The following SYCP1 variants were observed in gnomAD, a reference collection of about 807,000 sequenced individuals.
SYCP1 encodes synaptonemal complex protein 1, also known as cancer/testis antigen 8.
Under a neutral mutation model 153.1 loss-of-function variants are expected in SYCP1, and 64 were observed. The observed-to-expected ratio is 0.42, with a 90% CI of 0.34 to 0.51. The LOEUF is 0.51. Ranked by LOEUF, SYCP1 falls within the 20% of genes least tolerant of loss-of-function variation. The pLI is 0.06. For synonymous variants in SYCP1, 384 were observed against 341.8 expected (o/e 1.12, Z -1.36); for missense variants, 997 against 1,049.0 (o/e 0.95, Z 0.68).
chr1:114,892,933 G>T (rs1407951231), intron 15 of SYCP1, among the ~76,000 whole-genome samples: 1 of 152,082 alleles, frequency 6.6e-6, no homozygotes, highest in African/African-American at 2.4e-5. Flanking sequence ...AACTCAGAGG[G>T]TGGGTGGGAC....
chr1:114,863,635 G>C (rs1016997299), intron 8 of SYCP1, among the ~76,000 whole-genome samples: 2 of 152,112 alleles, frequency 1.3e-5, no homozygotes, highest in African/African-American at 4.8e-5. Flanking sequence ...TCTAACTGGC[G>C]TGAGATGGTA....
At chr1:114,896,506 G>T (rs556718726) in intron 16 of SYCP1, among the ~76,000 whole-genome samples, 1 of 152,212 alleles carries the variant, frequency 6.6e-6, no homozygotes, top group Non-Finnish European at 1.5e-5. Context: ...TATCACAAAT[G>T]AAATTCATTT....
intron 15 of SYCP1, among the ~76,000 whole-genome samples, chr1:114,893,089 A>T (rs1666832578): frequency 6.6e-6 from 1 of 151,986 alleles, no homozygotes; most frequent in African/African-American, 2.4e-5. Flanking sequence ...TTCTTAGAGG[A>T]TCTATTTGAA....
chr1:114,965,820 G>T (rs1441523227), intron 27 of SYCP1, among the ~76,000 whole-genome samples: 1 of 152,058 alleles, frequency 6.6e-6, no homozygotes, highest in Admixed American at 6.6e-5. Flanking sequence ...TTTTTGTTGT[G>T]TCTCTGCCAG....
chr1:114,902,119 C>G (rs1248945668), intron 16 of SYCP1, among the ~76,000 whole-genome samples: 1 of 151,984 alleles, frequency 6.6e-6, no homozygotes, highest in East Asian at 1.9e-4. Context: ...CGGCGGGGAA[C>G]TGCTGCTCGC....
chr1:114,911,249 T>C (rs1668156595), intron 17 of SYCP1, among the ~76,000 whole-genome samples: 1 of 152,072 alleles, frequency 6.6e-6, no homozygotes. Context: ...TATAAATGTT[T>C]TTCTGGTTGA....
intron 27 of SYCP1, among the ~76,000 whole-genome samples, chr1:114,974,620 A>C (rs879801398): frequency 7.9e-5 from 12 of 151,856 alleles, no homozygotes; most frequent in Non-Finnish European, 1.8e-4. Context: ...TATTTCACTT[A>C]GCATAATGTC....
chr1:114,953,498 G>T (rs547848334), intron 27 of SYCP1, among the ~76,000 whole-genome samples: 1 of 152,264 alleles, frequency 6.6e-6, no homozygotes, highest in Non-Finnish European at 1.5e-5. Flanking sequence ...TATATAAAGC[G>T]TGAAGTTCAG....
intron 5 of SYCP1, among the ~76,000 whole-genome samples, chr1:114,857,893 C>A (rs1664121889): frequency 6.6e-6 from 1 of 151,886 alleles, no homozygotes; most frequent in Non-Finnish European, 1.5e-5. Context: ...CATATAGTGT[C>A]TTTAAAATGA....
intron 16 of SYCP1, among the ~76,000 whole-genome samples, chr1:114,909,052 G>A (rs1668008725): frequency 6.6e-6 from 1 of 152,124 alleles, no homozygotes; most frequent in Non-Finnish European, 1.5e-5. Context: ...TCAAATCTTA[G>A]TTTAATTCTC....
chr1:114,874,863 T>G (rs142764517), intron 9 of SYCP1, among the ~76,000 whole-genome samples: 5 of 152,282 alleles, frequency 3.3e-5, no homozygotes, highest in Admixed American at 3.3e-4. Flanking sequence ...TAAAGTATTA[T>G]TCATCTGTGT....
At chr1:114,949,002 A>AT (rs1670923493) in intron 27 of SYCP1, among the ~76,000 whole-genome samples, 2 of 152,136 alleles carry the variant, frequency 1.3e-5, no homozygotes, top group Non-Finnish European at 2.9e-5. Context: ...CCAAAGAGAC[A>AT]TTTTTCTCAG....
chr1:114,936,202 C>A (rs1487297841), intron 23 of SYCP1, among the ~76,000 whole-genome samples: 1 of 152,150 alleles, frequency 6.6e-6, no homozygotes, highest in Non-Finnish European at 1.5e-5. Context: ...AGCTTATCCA[C>A]CACAATCAAG....
rs150330968 is a variant in SYCP1 at position 114,920,230 on chromosome 1, T to C, written c.1719-3219T>C. On this transcript the variant is annotated intron_variant, in intron 20 of 31. Transcript: ENST00000369522. ...TTTTCAGTTTTCTTCTTAATCTCTT[T>C]ATTGACCCACTAACCATTCAGGAGC... Among the ~76,000 whole-genome samples the C allele has an allele frequency of 7.8e-3, 1,184 of 152,228 alleles. 21 individuals are homozygous for C. The highest frequency in any genetic ancestry group is 0.027 in the African/African-American group (1,139 of 41,570).
intron 20 of SYCP1, among the ~76,000 whole-genome samples, chr1:114,921,972 G>A (rs1025890581): frequency 5.3e-5 from 8 of 151,926 alleles, no homozygotes; most frequent in African/African-American, 1.9e-4. Flanking sequence ...ACCCTCTCTG[G>A]GCCTGTAAGG....
intron 5 of SYCP1, 80 bp downstream of exon 5, chr1:114,857,577 C>G: frequency 2.0e-6 from 2 of 998,916 alleles, no homozygotes; most frequent in Non-Finnish European, 2.8e-6. Context: ...TCTTTTGAAG[C>G]TTCAAAAGGA....
At chr1:114,963,421 A>C (rs181209581) in intron 27 of SYCP1, among the ~76,000 whole-genome samples, 143 of 152,278 alleles carry the variant, frequency 9.4e-4, no homozygotes, top group African/African-American at 3.3e-3. Flanking sequence ...CGTGTGCAGA[A>C]CATGCAAGTT....
chr1:114,968,640 G>A (rs1052137283), intron 27 of SYCP1, among the ~76,000 whole-genome samples: 1 of 152,046 alleles, frequency 6.6e-6, no homozygotes, highest in African/African-American at 2.4e-5. Flanking sequence ...TAGCTTGGAG[G>A]AGGTTGTTAT....
intron 16 of SYCP1, among the ~76,000 whole-genome samples, chr1:114,903,270 GAAC>G (rs1382983490): frequency 6.6e-6 from 1 of 152,086 alleles, no homozygotes; most frequent in Non-Finnish European, 1.5e-5. Context: ...TGCCTTCATG[GAAC>G]AACAGCCATC....
Sources: allele counts gnomAD v4.1 joint callset (sites outside exome capture counted in the v4.1 genomes callset), GRCh38; gene constraint gnomAD v4.1.1; transcripts MANE v1.5; gene names NCBI Gene and HGNC (gene_info 2026-07-23, HGNC 2026-07-21).